The following ZNF451 variants were observed in gnomAD, a reference collection of about 807,000 sequenced individuals.
ZNF451 encodes the protein zinc finger protein 451.
Under a neutral mutation model 107.1 loss-of-function variants are expected in ZNF451, and 80 were observed. The observed-to-expected ratio is 0.75, with a 90% CI of 0.62 to 0.90. ZNF451 has a LOEUF of 0.90. ZNF451 is among the 40% of genes least tolerant of loss of function. The pLI, the probability that ZNF451 is intolerant of heterozygous loss-of-function variation, is 0.00. For missense variants in ZNF451, 1,107 were observed against 1,236.2 expected, an observed-to-expected ratio of 0.90 and a Z score of 1.57; for synonymous variants, 362 against 406.5, an observed-to-expected ratio of 0.89 and a Z score of 1.32.
chr6:57,168,348 G>A (rs545024764), intron 14 of ZNF451, 75 bp from the exon 15 acceptor site: 2 of 1,031,902 alleles, frequency 1.9e-6, no homozygotes, highest in South Asian at 1.5e-5. Context: ...GAATACAGTC[G>A]ATGAAACTTA....
rs1400283772 is a variant in ZNF451, at chr6:57,122,691, CA to C, written c.187-2039del. On this transcript the variant is annotated intron_variant, in intron 3 of 14. Coordinates refer to ENST00000370706, the MANE Select transcript of ZNF451 (RefSeq NM_001031623.3). ...CAATCAGATACCATCTCACAGCAGT[CA>C]AAATGGTTATTTCTAAAAAGTCAAA... is the stretch of plus-strand genomic sequence containing the variant. Among the ~76,000 whole-genome samples the C allele has an allele frequency of 3.9e-5, 6 of 152,134 alleles. No homozygotes were observed. The East Asian group carries it at 1.2e-3, about 29-fold the overall frequency.
chr6:57,101,129 A>G (rs1829573577), intron 3 of ZNF451: 2 of 1,550,750 alleles, frequency 1.3e-6, no homozygotes, highest in South Asian at 1.2e-5. Context: ...GAAGAAACTG[A>G]TTACAAATCA....
At chr6:57,091,735 A>G (rs1459363744) in intron 2 of ZNF451, among the ~76,000 whole-genome samples, 2 of 152,196 alleles carry the variant, frequency 1.3e-5, no homozygotes, top group Non-Finnish European at 2.9e-5. Flanking sequence ...GTCTTTTGGA[A>G]TGCCGTAGTT....
chr6:57,094,584 C>G (rs191196850), intron 2 of ZNF451, among the ~76,000 whole-genome samples: 116 of 152,204 alleles, frequency 7.6e-4, no homozygotes, highest in African/African-American at 2.2e-3. Flanking sequence ...CAGGACCATA[C>G]GCAGTTATAG....
intron 9 of ZNF451, among the ~76,000 whole-genome samples, chr6:57,146,072 G>A (rs116706822): frequency 0.012 from 1,836 of 152,014 alleles, 40 homozygotes; most frequent in African/African-American, 0.042. Flanking sequence ...TTATGGGCCA[G>A]TTGTATGTCT....
intron 3 of ZNF451, chr6:57,108,787 G>A: frequency 1.0e-6 from 1 of 985,416 alleles, no homozygotes; most frequent in Non-Finnish European, 1.2e-6. Flanking sequence ...ATAGTCTGTA[G>A]TACAGGCTCT....
intron 7 of ZNF451, among the ~76,000 whole-genome samples, chr6:57,138,117 G>C (rs977741697): frequency 1.3e-5 from 2 of 152,166 alleles, no homozygotes; most frequent in African/African-American, 4.8e-5. Flanking sequence ...GAGTTAAATT[G>C]CTAGGTCATA....
intron 2 of ZNF451, among the ~76,000 whole-genome samples, chr6:57,098,720 C>A (rs538910660): frequency 6.6e-6 from 1 of 152,260 alleles, no homozygotes; most frequent in South Asian, 2.1e-4. Context: ...GATATATTAA[C>A]AGACTTTTGA....
chr6:57,099,919 G>C (rs1371388885), intron 3 of ZNF451, among the ~76,000 whole-genome samples: 1 of 152,208 alleles, frequency 6.6e-6, no homozygotes, highest in African/African-American at 2.4e-5. Context: ...TTGAGTCCCA[G>C]CTTTACTCTT....
chr6:57,169,635 A>T lies in ZNF451; in HGVS notation c.*1166A>T, dbSNP rs1038374944. ...GCTAGAATTTGGTTCCTTCTCTGTA[A>T]CACTAAATATTTTAGTGTGAAATTG... On this transcript the variant is annotated 3_prime_UTR_variant, in exon 15 of 15. Transcript: ENST00000370706. 1.3e-5 allele frequency: 2 copies of T among 152,164 alleles called. No individual in the cohort carries two copies. The highest frequency in any genetic ancestry group is 2.9e-5 in the Non-Finnish European group (2 of 68,026). 9.4% of individuals were successfully genotyped at this position (152,164 alleles called of 1,614,324 possible).
chr6:57,118,437 C>T (rs1356995254), intron 3 of ZNF451, among the ~76,000 whole-genome samples: 1 of 152,126 alleles, frequency 6.6e-6, no homozygotes, highest in Non-Finnish European at 1.5e-5. Flanking sequence ...GCTAAATTTC[C>T]TTCTCGAGGT....
intron 14 of ZNF451, among the ~76,000 whole-genome samples, chr6:57,163,742 G>A (rs61003382): frequency 1.3e-5 from 2 of 151,976 alleles, no homozygotes; most frequent in African/African-American, 2.4e-5. Context: ...GAGCCACCGC[G>A]CCCGGCCTAA....
In ZNF451 at chr6:57,090,205, C is replaced by T. The variant is rs1330246600; in HGVS notation, c.-49C>T. 1 of 1,590,202 alleles carries T rather than the reference C, an allele frequency of 6.3e-7. No individual in the cohort carries two copies. The highest frequency in any genetic ancestry group is 1.3e-5 in the African/African-American group (1 of 74,744). ...GGAAGGGGATTCGTGGCGACGGCGG[C>T]GGCAGGGACAGCAGGAGCAGTGGTG... On this transcript the variant is annotated 5_prime_UTR_variant, in exon 1 of 15. Transcript: ENST00000370706.
At chr6:57,102,979 G>A in intron 3 of ZNF451, 1 of 985,404 alleles carries the variant, frequency 1.0e-6, no homozygotes, top group Non-Finnish European at 1.2e-6. Context: ...CTCACTGTAA[G>A]CTGGGCCTTT....
intron 3 of ZNF451, chr6:57,124,282 T>C: frequency 1.6e-6 from 1 of 610,068 alleles, no homozygotes. Context: ...CCTCTATGGC[T>C]GGCTCCCCCT....
chr6:57,150,425 A>T lies in ZNF451; in HGVS notation c.2609-294A>T, dbSNP rs115431687. On this transcript the variant is annotated intron_variant, in intron 10 of 14. Transcript: ENST00000370706. ...AGTTCTTCTAGTACATTAATTTTTT[A>T]AAAAAATTCCTTGTATAAGTGACTT... The T allele has an allele frequency of 9.8e-3, 2,181 of 223,652 alleles. 46 individuals are homozygous for T. The highest frequency in any genetic ancestry group is 0.044 in the African/African-American group (1,941 of 44,224). The allele number at this position is 223,652 out of a possible 1,614,324, so 13.9% of individuals were successfully genotyped here. A position where few individuals can be genotyped will look rare whatever the true frequency, so the allele number is the denominator to read the frequency against.
chr6:57,121,171 C>T (rs984123741), intron 3 of ZNF451, among the ~76,000 whole-genome samples: 1 of 152,084 alleles, frequency 6.6e-6, no homozygotes, highest in African/African-American at 2.4e-5. Context: ...GTTTTTGCTC[C>T]TCTGTCATAG....
intron 3 of ZNF451, chr6:57,106,372 C>CG: frequency 1.1e-6 from 1 of 900,030 alleles, no homozygotes; most frequent in East Asian, 1.2e-4. Flanking sequence ...TGCAATGGCA[C>CG]GATCTTGGCT....
intron 3 of ZNF451, chr6:57,116,299 C>T (rs534021000): frequency 6.6e-6 from 1 of 152,316 alleles, no homozygotes; most frequent in South Asian, 2.1e-4. Flanking sequence ...TGGCTTACGC[C>T]ACAGCACTTT....
Sources: allele counts gnomAD v4.1 joint callset (sites outside exome capture counted in the v4.1 genomes callset), GRCh38; gene constraint gnomAD v4.1.1; transcripts MANE v1.5; gene names NCBI Gene and HGNC (gene_info 2026-07-23, HGNC 2026-07-21).